RPS6KC1: variants seen among roughly 807,000 people sequenced by gnomAD.
RPS6KC1 encodes inactive ribosomal protein S6 kinase delta-1.
A neutral mutation model predicts 103.8 loss-of-function variants in RPS6KC1; 54 were observed. That is an observed-to-expected ratio of 0.52 (90% CI 0.42 to 0.65). The LOEUF is 0.65. Ranked by LOEUF, RPS6KC1 falls within the 30% of genes least tolerant of loss-of-function variation. RPS6KC1 has a pLI of 0.00. For missense variants in RPS6KC1, 1,151 were observed against 1,253.8 expected (o/e 0.92, Z 1.24); for synonymous variants, 439 against 438.7 (o/e 1.00, Z -0.01).
At chr1:213,521,388 T>C in the RPS6KC1 span, among the ~76,000 whole-genome samples, 1 of 152,180 alleles carries the variant, frequency 6.6e-6, no homozygotes, top group African/African-American at 2.4e-5. Flanking sequence ...CTTCCGTGAG[T>C]CAATCTCTCT....
At chr1:213,852,918 G>A in the RPS6KC1 span, among the ~76,000 whole-genome samples, 1 of 152,250 alleles carries the variant, frequency 6.6e-6, no homozygotes, top group East Asian at 1.9e-4. Context: ...GGGCATCGTA[G>A]TTTGTTGGGA....
the RPS6KC1 span, among the ~76,000 whole-genome samples, chr1:213,331,214 AG>A: frequency 6.6e-6 from 1 of 152,144 alleles, no homozygotes; most frequent in Admixed American, 6.5e-5. Flanking sequence ...TTTAAAAAGA[AG>A]GTTGGACTTC....
the RPS6KC1 span, among the ~76,000 whole-genome samples, chr1:213,493,456 T>C: frequency 6.6e-6 from 1 of 152,184 alleles, no homozygotes; most frequent in African/African-American, 2.4e-5. Context: ...AGTAGACAAC[T>C]AACGGCCAAC....
At chr1:213,413,474 G>A in the RPS6KC1 span, among the ~76,000 whole-genome samples, 1 of 152,156 alleles carries the variant, frequency 6.6e-6, no homozygotes, top group Admixed American at 6.5e-5. Flanking sequence ...TTGTACTCAT[G>A]GTTGCCTGGG....
chr1:213,176,056 G>A (rs1184547827), intron 7 of RPS6KC1, among the ~76,000 whole-genome samples: 7 of 152,100 alleles, frequency 4.6e-5, no homozygotes, highest in Admixed American at 2.0e-4. Flanking sequence ...GGGATTGATT[G>A]TTGGCCCAGT....
rs951990298 is a variant in RPS6KC1 at position 213,137,524 on chromosome 1, T to G, written c.835+7635T>G. On this transcript the variant is annotated intron_variant, in intron 6 of 14. Transcript: ENST00000366960. ...AATTTTGTATTTTTAGGAGAAACGG[T>G]GTTTCTCCATGTTGGTCAGGCTGGT... Among the ~76,000 whole-genome samples the G allele has an allele frequency of 2.7e-5, 4 of 150,600 alleles. No homozygotes were observed. In the East Asian group the frequency reaches 7.8e-4, roughly 29 times the overall value.
At chr1:213,576,756 C>T in the RPS6KC1 span, among the ~76,000 whole-genome samples, 1 of 152,168 alleles carries the variant, frequency 6.6e-6, no homozygotes, top group Admixed American at 6.5e-5. Context: ...ACATCTCTCA[C>T]TTTAAATCAA....
the RPS6KC1 span, among the ~76,000 whole-genome samples, chr1:213,604,253 A>G: frequency 1.3e-5 from 2 of 152,246 alleles, no homozygotes; most frequent in Admixed American, 1.3e-4. Context: ...TTTACAAATT[A>G]GGTTGCAACT....
At chr1:213,830,015 T>C in the RPS6KC1 span, among the ~76,000 whole-genome samples, 1 of 152,218 alleles carries the variant, frequency 6.6e-6, no homozygotes, top group East Asian at 1.9e-4. Context: ...GAGCAATGAT[T>C]AGGCCTGTCA....
intron 8 of RPS6KC1, among the ~76,000 whole-genome samples, chr1:213,191,229 C>G (rs1421885438): frequency 5.9e-5 from 9 of 152,108 alleles, no homozygotes; most frequent in Non-Finnish European, 1.3e-4. Context: ...CTGTAGATTC[C>G]TTTAGTGTAG....
the RPS6KC1 span, among the ~76,000 whole-genome samples, chr1:213,641,656 A>G: frequency 6.6e-6 from 1 of 151,988 alleles, no homozygotes; most frequent in African/African-American, 2.4e-5. Flanking sequence ...AAAGTTTATC[A>G]GATCACTGTC....
intron 2 of RPS6KC1, among the ~76,000 whole-genome samples, chr1:213,074,391 C>T (rs962616239): frequency 7.2e-5 from 11 of 152,080 alleles, no homozygotes; most frequent in Non-Finnish European, 1.5e-4. Flanking sequence ...TGTTATAGAC[C>T]TATTTTTTCA....
At chr1:213,349,500 G>C in the RPS6KC1 span, among the ~76,000 whole-genome samples, 1 of 152,182 alleles carries the variant, frequency 6.6e-6, no homozygotes, top group African/African-American at 2.4e-5. Context: ...TGCTCGAGTT[G>C]CTGCACACTT....
At chr1:213,701,143 G>C in the RPS6KC1 span, among the ~76,000 whole-genome samples, 2 of 151,972 alleles carry the variant, frequency 1.3e-5, no homozygotes, top group African/African-American at 4.8e-5. Context: ...AGGTCTCAGA[G>C]AAAAGGCCTT....
rs760653129 is a variant in RPS6KC1 at position 213,232,135 on chromosome 1, A to C, written c.1105A>C (p.Ser369Arg). The C allele has an allele frequency of 6.2e-7, 1 of 1,613,858 alleles. No homozygotes were observed. Among genetic ancestry groups the C allele is most frequent in the South Asian group, 1.1e-5 (1 of 91,074 alleles). Reference sequence around the variant, plus strand: ...TGTTCTCTGTCAGGGTCTAAGGAAAAGCAGTGAATACAGCAGGAACAGAAA... The same window carrying C: ...TGTTCTCTGTCAGGGTCTAAGGAAACGCAGTGAATACAGCAGGAACAGAAA... ...QTFILKGLRK[S>R]SEYSRNRKTI... The change falls in exon 10 of 15, where the codon AGC becomes CGC. Residue 369 changes from serine (S) to arginine (R), a missense_variant. By Grantham distance (110) the Ser-to-Arg change is moderately radical (BLOSUM62 -1). This residue lies in a region of RPS6KC1 where 959 missense variants were observed against 1,006.3 expected (regional missense o/e 0.95). Transcript: ENST00000366960.
At chr1:213,642,708 A>C in the RPS6KC1 span, among the ~76,000 whole-genome samples, 2 of 152,060 alleles carry the variant, frequency 1.3e-5, no homozygotes, top group Non-Finnish European at 2.9e-5. Flanking sequence ...TTGATAAATT[A>C]ATCAAATTTG....
At chr1:213,646,078 A>G in the RPS6KC1 span, among the ~76,000 whole-genome samples, 1 of 152,256 alleles carries the variant, frequency 6.6e-6, no homozygotes, top group Admixed American at 6.5e-5. Flanking sequence ...CGTGTAAAGC[A>G]TAACATAAAA....
the RPS6KC1 span, among the ~76,000 whole-genome samples, chr1:213,609,499 G>T: frequency 6.6e-6 from 1 of 152,128 alleles, no homozygotes; most frequent in Non-Finnish European, 1.5e-5. Context: ...TTGAGTCGGG[G>T]CGTGCAAACC....
downstream of RPS6KC1, among the ~76,000 whole-genome samples, chr1:213,275,242 G>A (rs956670997): frequency 6.6e-6 from 1 of 152,182 alleles, no homozygotes; most frequent in African/African-American, 2.4e-5. Context: ...CATTTTGGCT[G>A]TTGTGAATAA....
Sources: allele counts gnomAD v4.1 joint callset (sites outside exome capture counted in the v4.1 genomes callset), GRCh38; gene constraint gnomAD v4.1.1; regional missense constraint gnomAD v4.1.1; transcripts MANE v1.5; gene names NCBI Gene and HGNC (gene_info 2026-07-23, HGNC 2026-07-21).